CDKAL1: variants seen among roughly 807,000 people sequenced by gnomAD.
CDKAL1 encodes threonylcarbamoyladenosine tRNA methylthiotransferase.
In CDKAL1, 32 loss-of-function variants were observed where a neutral mutation model predicts 68.2. The observed-to-expected ratio is 0.47, with a 90% CI of 0.35 to 0.63. The LOEUF is 0.63. CDKAL1 is among the 30% of genes least tolerant of loss of function. CDKAL1 has a pLI of 0.00. For missense variants in CDKAL1, 606 were observed against 696.7 expected (o/e 0.87, Z 1.47); for synonymous variants, 234 against 244.3 (o/e 0.96, Z 0.39).
chr6:21,047,118 T>G (rs1395916449), intron 11 of CDKAL1, among the ~76,000 whole-genome samples: 1 of 151,358 alleles, frequency 6.6e-6, no homozygotes, highest in Non-Finnish European at 1.5e-5. Context: ...AGAGATGGAG[T>G]CTCACCATGT....
At chr6:21,064,337 C>T (rs1021904169) in intron 11 of CDKAL1, among the ~76,000 whole-genome samples, 1 of 152,128 alleles carries the variant, frequency 6.6e-6, no homozygotes. Flanking sequence ...CAAGAAGCAA[C>T]ATTCAAAGAT....
In CDKAL1 at chr6:20,758,577, GTT is replaced by G. The variant is rs34291318; in HGVS notation, c.469-6_469-5del. The G allele has an allele frequency of 5.8e-4, 763 of 1,319,192 alleles. No homozygotes were observed. The highest frequency in any genetic ancestry group is 2.9e-3 in the East Asian group (114 of 39,748). The allele number at this position is 1,319,192 out of a possible 1,614,324, so 81.7% of individuals were successfully genotyped here. A position where few individuals can be genotyped will look rare whatever the true frequency, so the allele number is the denominator to read the frequency against. On this transcript the variant is annotated splice_polypyrimidine_tract_variant and intron_variant, in intron 6 of 15. Coordinates refer to ENST00000274695, the MANE Select transcript of CDKAL1 (RefSeq NM_017774.3). ...CTTCGTGTAAATTACTTGTGTAATC[GTT>G]TTTTTTTTTTTCCAGGTTCAGCAGA...
At chr6:20,919,155 A>G (rs1162209442) in intron 9 of CDKAL1, among the ~76,000 whole-genome samples, 1 of 152,194 alleles carries the variant, frequency 6.6e-6, no homozygotes, top group Non-Finnish European at 1.5e-5. Flanking sequence ...GATGGGGTCT[A>G]CAGCATCATT....
At chr6:20,581,853 T>G (rs1178179948) in intron 4 of CDKAL1, among the ~76,000 whole-genome samples, 3 of 152,226 alleles carry the variant, frequency 2.0e-5, no homozygotes, top group Non-Finnish European at 4.4e-5. Context: ...CTTTAGCAAT[T>G]CAGGATAATG....
At chr6:20,892,774 G>A (rs1456730958) in intron 9 of CDKAL1, among the ~76,000 whole-genome samples, 2 of 152,144 alleles carry the variant, frequency 1.3e-5, no homozygotes, top group African/African-American at 4.8e-5. Context: ...TTTTGTTGCA[G>A]TATTTTCTGA....
intron 12 of CDKAL1, among the ~76,000 whole-genome samples, chr6:21,089,530 G>C (rs1373262784): frequency 1.3e-5 from 2 of 152,016 alleles, no homozygotes; most frequent in Non-Finnish European, 2.9e-5. Flanking sequence ...TACATAATAA[G>C]TATGTGACTG....
chr6:20,750,793 A>C (rs1042870601), intron 6 of CDKAL1, among the ~76,000 whole-genome samples: 3 of 151,750 alleles, frequency 2.0e-5, no homozygotes, highest in African/African-American at 7.3e-5. Context: ...GTGAAACCCT[A>C]TCTCTGCTAA....
chr6:20,784,047 T>C (rs1008831069), intron 8 of CDKAL1, among the ~76,000 whole-genome samples: 23 of 152,052 alleles, frequency 1.5e-4, no homozygotes, highest in African/African-American at 5.1e-4. Context: ...ACCCCGACTC[T>C]ACTAAAAATA....
chr6:21,156,060 T>A (rs9366383), intron 13 of CDKAL1, among the ~76,000 whole-genome samples: 51,420 of 151,878 alleles, frequency 0.34, 9,043 homozygotes, highest in African/African-American at 0.43. Flanking sequence ...AAACTGAAAA[T>A]GTATTACGAG....
intron 11 of CDKAL1, among the ~76,000 whole-genome samples, chr6:21,064,034 A>G (rs1771283501): frequency 6.6e-6 from 1 of 152,226 alleles, no homozygotes; most frequent in Non-Finnish European, 1.5e-5. Flanking sequence ...CATTTAAAGA[A>G]GTGCGCATCC....
intron 13 of CDKAL1, among the ~76,000 whole-genome samples, chr6:21,184,263 C>T (rs1259745610): frequency 2.0e-5 from 3 of 150,070 alleles, no homozygotes; most frequent in Non-Finnish European, 4.4e-5. Flanking sequence ...GGCACGACCT[C>T]GGCTTACTGC....
chr6:21,015,919 G>A (rs1768300717), intron 11 of CDKAL1, among the ~76,000 whole-genome samples: 1 of 149,638 alleles, frequency 6.7e-6, no homozygotes, highest in Non-Finnish European at 1.5e-5. Context: ...CTGAACTTCA[G>A]CCTGGGTGAC....
intron 11 of CDKAL1, among the ~76,000 whole-genome samples, chr6:21,042,720 A>G (rs567678334): frequency 8.5e-5 from 13 of 152,224 alleles, no homozygotes; most frequent in Non-Finnish European, 1.5e-4. Flanking sequence ...TTCTTAAGGT[A>G]TTTCCAGAAT....
intron 13 of CDKAL1, chr6:21,135,776 C>G (rs1775561855): frequency 1.2e-6 from 1 of 818,258 alleles, no homozygotes; most frequent in Non-Finnish European, 1.5e-6. Flanking sequence ...AGAAAGACAG[C>G]TTTCAAGAGG....
intron 4 of CDKAL1, among the ~76,000 whole-genome samples, chr6:20,562,609 G>T (rs960483923): frequency 1.3e-5 from 2 of 152,060 alleles, no homozygotes; most frequent in South Asian, 2.1e-4. Flanking sequence ...GGCTATGGTG[G>T]TGGGCGCCTG....
intron 9 of CDKAL1, among the ~76,000 whole-genome samples, chr6:20,889,711 G>T (rs890227639): frequency 1.3e-5 from 2 of 152,096 alleles, no homozygotes; most frequent in Admixed American, 1.3e-4. Flanking sequence ...CTGTTCCATT[G>T]GTCTATATCT....
intron 4 of CDKAL1, among the ~76,000 whole-genome samples, chr6:20,601,957 C>G (rs1252738952): frequency 6.6e-6 from 1 of 152,054 alleles, no homozygotes; most frequent in Non-Finnish European, 1.5e-5. Context: ...GGTAGGAAGA[C>G]CTAATGAAAA....
chr6:21,174,567 AT>A (rs1777508956), intron 13 of CDKAL1, among the ~76,000 whole-genome samples: 1 of 152,096 alleles, frequency 6.6e-6, no homozygotes, highest in South Asian at 2.1e-4. Flanking sequence ...ACAAAAAAAT[AT>A]TTGTTCCCCT....
intron 11 of CDKAL1, among the ~76,000 whole-genome samples, chr6:21,042,921 T>C (rs1047033117): frequency 2.0e-5 from 3 of 152,288 alleles, no homozygotes; most frequent in Middle Eastern, 3.4e-3. Context: ...GCTCTGGCTT[T>C]TCTTTCTGCT....
Sources: gnomAD v4.1 joint callset for allele counts (sites outside exome capture counted in the v4.1 genomes callset) on GRCh38, gnomAD v4.1.1 for gene constraint, MANE v1.5 for transcripts, NCBI Gene and HGNC (gene_info 2026-07-23, HGNC 2026-07-21) for gene names.